The following TLN2 variants were observed in gnomAD, a reference collection of about 807,000 sequenced individuals.
TLN2 encodes the protein talin-2.
Under a neutral mutation model 294.7 loss-of-function variants are expected in TLN2, and 118 were observed. The observed-to-expected ratio is 0.40, with a 90% confidence interval of 0.34 to 0.47. TLN2 has a LOEUF of 0.47. Ranked by LOEUF, TLN2 falls within the 20% of genes least tolerant of loss-of-function variation. The probability of loss-of-function intolerance (pLI) is 0.84; values close to 1 mark genes in which losing one functional copy is unlikely to be tolerated. For missense variants in TLN2, 3,083 were observed against 3,282.2 expected (o/e 0.94, Z 1.48); for synonymous variants, 1,431 against 1,304.5 (o/e 1.10, Z -2.09).
chr15:62,820,762 T>C (rs2067496004), intron 54 of TLN2, 152 bp downstream of exon 54: 2 of 1,030,166 alleles, frequency 1.9e-6, no homozygotes, highest in East Asian at 5.0e-5. Context: ...CCGGCACTGC[T>C]TTAGAGTATG....
At chr15:62,558,408 C>T (rs900710489) in intron 1 of TLN2, among the ~76,000 whole-genome samples, 1 of 152,154 alleles carries the variant, frequency 6.6e-6, no homozygotes, top group African/African-American at 2.4e-5. Flanking sequence ...CCTGCTCCCA[C>T]CATTACTCCT....
intron 1 of TLN2, among the ~76,000 whole-genome samples, chr15:62,525,718 A>C (rs2040697563): frequency 6.6e-6 from 1 of 152,142 alleles, no homozygotes; most frequent in African/African-American, 2.4e-5. Flanking sequence ...ATTTGCTTAG[A>C]CTTGTGGGTC....
chr15:62,534,317 G>A (rs1438908663), intron 1 of TLN2, among the ~76,000 whole-genome samples: 1 of 152,214 alleles, frequency 6.6e-6, no homozygotes, highest in Non-Finnish European at 1.5e-5. Context: ...GATGCCAGTG[G>A]CCAGCACAGA....
At chr15:62,542,950 T>C (rs1462189663) in intron 1 of TLN2, among the ~76,000 whole-genome samples, 3 of 152,178 alleles carry the variant, frequency 2.0e-5, no homozygotes, top group Admixed American at 6.5e-5. Context: ...AAACCAGTCA[T>C]TGTGGCCAGA....
chr15:62,687,430 A>C (rs895585361), intron 12 of TLN2, among the ~76,000 whole-genome samples: 1 of 152,230 alleles, frequency 6.6e-6, no homozygotes, highest in Admixed American at 6.5e-5. Context: ...TTAGTATAAA[A>C]TTTATGGAAA....
intron 1 of TLN2, among the ~76,000 whole-genome samples, chr15:62,459,772 T>G (rs1450396376): frequency 6.6e-6 from 1 of 152,126 alleles, no homozygotes; most frequent in Non-Finnish European, 1.5e-5. Flanking sequence ...TTCCAGGGGC[T>G]TGTTCTTTGG....
intron 1 of TLN2, among the ~76,000 whole-genome samples, chr15:62,518,044 GTTT>G (rs80208271): frequency 1.3e-5 from 2 of 148,866 alleles, no homozygotes; most frequent in Non-Finnish European, 1.5e-5. Context: ...GCTAGCAGCA[GTTT>G]TTTTTTTTTT....
intron 1 of TLN2, among the ~76,000 whole-genome samples, chr15:62,504,815 T>C (rs972016678): frequency 6.1e-5 from 7 of 114,034 alleles, no homozygotes; most frequent in Non-Finnish European, 8.8e-5. Flanking sequence ...AAGTAGTTGG[T>C]GGGGTGTGTG....
rs1182755693 is a variant in TLN2 at position 62,647,283 on chromosome 15, A to G, written c.-28A>G. The G allele has an allele frequency of 6.2e-7, 1 of 1,609,782 alleles. No homozygotes were observed. ...CTCTTTGTGTTTTCCAGACATTCTA[A>G]GTGAGACTGTCCACATCATCTAGGA... On this transcript the variant is annotated 5_prime_UTR_variant, in exon 4 of 59. Transcript: ENST00000636159.
At chr15:62,431,946 C>T (rs2035034352) in intron 1 of TLN2, among the ~76,000 whole-genome samples, 1 of 152,052 alleles carries the variant, frequency 6.6e-6, no homozygotes, top group Admixed American at 6.6e-5. Context: ...GGTCCCAGGC[C>T]CATCTCTTGC....
At chr15:62,478,188 G>T (rs1317517809) in intron 1 of TLN2, among the ~76,000 whole-genome samples, 1 of 152,144 alleles carries the variant, frequency 6.6e-6, no homozygotes, top group African/African-American at 2.4e-5. Context: ...AACTCACCCA[G>T]TGGGTCACAC....
intron 1 of TLN2, among the ~76,000 whole-genome samples, chr15:62,416,561 G>A (rs2034095814): frequency 6.6e-6 from 1 of 152,182 alleles, no homozygotes; most frequent in South Asian, 2.1e-4. Flanking sequence ...TTTGAGGCTG[G>A]AGGTAGGGTT....
intron 9 of TLN2, among the ~76,000 whole-genome samples, chr15:62,665,890 T>C (rs1037877742): frequency 6.6e-6 from 1 of 152,190 alleles, no homozygotes; most frequent in Non-Finnish European, 1.5e-5. Context: ...AAATTAAAAG[T>C]AAAGTGCAAT....
At chr15:62,805,528 G>T in intron 50 of TLN2, 72 bp from the exon 51 acceptor site, 1 of 1,449,182 alleles carries the variant, frequency 6.9e-7, no homozygotes, top group Non-Finnish European at 9.2e-7. Flanking sequence ...GCTACAGCCT[G>T]GTTGGAGAAG....
At position 62,701,125 on chromosome 15, in the gene TLN2, A is replaced by G; in HGVS notation, c.1607A>G (p.Gln536Arg). The G allele has an allele frequency of 1.2e-6, 2 of 1,614,100 alleles. No homozygotes were observed. The highest frequency in any genetic ancestry group is 1.7e-6 in the Non-Finnish European group (2 of 1,180,018). Residue 536 changes from glutamine (Q) to arginine (R), a missense_variant, in exon 17 of 59, where the codon CAG (glutamine) becomes CGG (arginine). Transcript: ENST00000636159. ...GQDMASRVWV[Q>R]NKVDESKHEI... The stretch of plus-strand genomic sequence containing the variant: ...TTGCAGGCATCTAGGGTATGGGTTC[A>G]GAACAAAGTCGACGAATCCAAACAC...
intron 1 of TLN2, among the ~76,000 whole-genome samples, chr15:62,563,358 C>G (rs1393940988): frequency 6.6e-6 from 1 of 152,136 alleles, no homozygotes; most frequent in Non-Finnish European, 1.5e-5. Flanking sequence ...TGACGTTGAG[C>G]ATTTTGTTCA....
intron 1 of TLN2, among the ~76,000 whole-genome samples, chr15:62,539,216 G>A (rs1312186890): frequency 1.3e-5 from 2 of 152,198 alleles, no homozygotes; most frequent in Admixed American, 6.5e-5. Flanking sequence ...GAATTGAGGC[G>A]TGCTTTCTTG....
rs146653224 is a variant in TLN2, at chr15:62,564,110, G to A, written c.-237-25577G>A. On this transcript the variant is annotated intron_variant, in intron 1 of 58. Transcript: ENST00000636159. Reference sequence around the variant, plus strand: ...TTTGAGTTTTAGAATGATTGCACATGTCCTAATATAGTCAAAGTTTGGGGC... The same window carrying A: ...TTTGAGTTTTAGAATGATTGCACATATCCTAATATAGTCAAAGTTTGGGGC... 1.9e-3 allele frequency among the ~76,000 whole-genome samples: 296 copies of A among 152,298 alleles called. 1 individual carries two copies. Among genetic ancestry groups the A allele is most frequent in the African/African-American group, 6.8e-3 (283 of 41,556 alleles).
chr15:62,726,547 A>C lies in TLN2; in HGVS notation c.3256-540A>C, dbSNP rs1214889429. Among the ~76,000 whole-genome samples, 7 of 152,132 alleles carry C rather than the reference A, an allele frequency of 4.6e-5. No homozygotes were observed. In the South Asian group the frequency reaches 1.5e-3, roughly 32 times the overall value. ...TTTCATAATCTCATTTACCACTCCA[A>C]CCCTCTATTTCTATTGCATTTCCTT... On this transcript the variant is annotated intron_variant, in intron 27 of 58. Coordinates refer to ENST00000636159, the MANE Select transcript of TLN2 (RefSeq NM_015059.3).
Sources: allele counts gnomAD v4.1 joint callset (sites outside exome capture counted in the v4.1 genomes callset), GRCh38; gene constraint gnomAD v4.1.1; transcripts MANE v1.5; gene names NCBI Gene and HGNC (gene_info 2026-07-23, HGNC 2026-07-21).